PDE4B: variants seen among roughly 807,000 people sequenced by gnomAD.
The protein encoded by PDE4B is 3',5'-cyclic-AMP phosphodiesterase 4B.
Under a neutral mutation model 82.2 loss-of-function variants are expected in PDE4B, and 20 were observed. The observed-to-expected ratio is 0.24, with a 90% CI of 0.17 to 0.35. The LOEUF is 0.35. Among genes scored for constraint, PDE4B ranks in the 10% least tolerant of loss-of-function variants. PDE4B has a pLI of 1.00. For synonymous variants in PDE4B, 320 were observed against 318.9 expected, an observed-to-expected ratio of 1.00 and a Z score of -0.04; for missense variants, 655 against 907.2, an observed-to-expected ratio of 0.72 and a Z score of 3.57.
At chr1:65,826,774 G>T (rs181559564) in intron 1 of PDE4B, among the ~76,000 whole-genome samples, 226 of 152,292 alleles carry the variant, frequency 1.5e-3, no homozygotes, top group South Asian at 1.7e-3. Context: ...TTCCGGAGGA[G>T]AAGGAACACT....
At chr1:66,270,292 CA>C (rs1230521352) in intron 7 of PDE4B, among the ~76,000 whole-genome samples, 1 of 152,050 alleles carries the variant, frequency 6.6e-6, no homozygotes, top group African/African-American at 2.4e-5. Flanking sequence ...GGCTTTTTAC[CA>C]ACTGATAAAA....
At chr1:66,185,561 T>G (rs959374910) in intron 3 of PDE4B, among the ~76,000 whole-genome samples, 1 of 152,016 alleles carries the variant, frequency 6.6e-6, no homozygotes, top group Non-Finnish European at 1.5e-5. Flanking sequence ...TATCTCATTG[T>G]GGTTTTGATT....
chr1:66,308,967 C>T (rs902045644), intron 7 of PDE4B, among the ~76,000 whole-genome samples: 3 of 152,096 alleles, frequency 2.0e-5, no homozygotes, highest in Non-Finnish European at 4.4e-5. Flanking sequence ...AAAGAAGGTT[C>T]AAAATTTAGT....
chr1:66,194,998 T>G (rs1356277024), intron 3 of PDE4B, among the ~76,000 whole-genome samples: 1 of 152,166 alleles, frequency 6.6e-6, no homozygotes, highest in African/African-American at 2.4e-5. Context: ...TGATTAGTAA[T>G]GAGTTTTTAA....
intron 7 of PDE4B, among the ~76,000 whole-genome samples, chr1:66,273,520 T>C (rs566266769): frequency 1.3e-5 from 2 of 152,374 alleles, no homozygotes; most frequent in East Asian, 3.9e-4. Flanking sequence ...GGAAAGTGCA[T>C]TTTAACCCTT....
chr1:66,056,617 T>G (rs1187478688), intron 3 of PDE4B, among the ~76,000 whole-genome samples: 1 of 151,788 alleles, frequency 6.6e-6, no homozygotes, highest in African/African-American at 2.4e-5. Context: ...TTGAGATGGG[T>G]TATATGATTG....
At chr1:66,203,638 A>G (rs1050727085) in intron 3 of PDE4B, among the ~76,000 whole-genome samples, 1 of 152,104 alleles carries the variant, frequency 6.6e-6, no homozygotes, top group African/African-American at 2.4e-5. Context: ...AGTTGTTCGC[A>G]TCGGCTCCTG....
chr1:65,811,643 C>T (rs2101200075), intron 1 of PDE4B, among the ~76,000 whole-genome samples: 1 of 152,200 alleles, frequency 6.6e-6, no homozygotes, highest in Admixed American at 6.5e-5. Context: ...AATAATCCCT[C>T]CTGTGGATAA....
At chr1:66,300,869 A>G (rs1233442841) in intron 7 of PDE4B, among the ~76,000 whole-genome samples, 1 of 152,140 alleles carries the variant, frequency 6.6e-6, no homozygotes, top group Admixed American at 6.5e-5. Context: ...TAGATGGCCT[A>G]TTCTCTGTTT....
chr1:66,075,605 A>G (rs762601801), intron 3 of PDE4B, among the ~76,000 whole-genome samples: 1 of 152,082 alleles, frequency 6.6e-6, no homozygotes, highest in Non-Finnish European at 1.5e-5. Flanking sequence ...ATAAATTTTT[A>G]GGAAAGATCT....
intron 3 of PDE4B, among the ~76,000 whole-genome samples, chr1:65,977,235 G>T (rs1045766226): frequency 6.6e-6 from 1 of 152,078 alleles, no homozygotes; most frequent in African/African-American, 2.4e-5. Flanking sequence ...AGGGATTTCT[G>T]GGTCCCACTC....
At chr1:66,279,889 T>A (rs1315924559) in intron 7 of PDE4B, among the ~76,000 whole-genome samples, 1 of 152,218 alleles carries the variant, frequency 6.6e-6, no homozygotes, top group Non-Finnish European at 1.5e-5. Flanking sequence ...TCTCCTTTAC[T>A]TTAAGTCTAT....
At chr1:65,888,035 A>T (rs1030493748) in intron 1 of PDE4B, among the ~76,000 whole-genome samples, 1 of 152,080 alleles carries the variant, frequency 6.6e-6, no homozygotes, top group Non-Finnish European at 1.5e-5. Context: ...ACCTATGTCC[A>T]GAAGTGTTTC....
chr1:66,207,646 T>C (rs1431258374), intron 3 of PDE4B, among the ~76,000 whole-genome samples: 3 of 152,178 alleles, frequency 2.0e-5, no homozygotes, highest in African/African-American at 7.2e-5. Context: ...TCTCATATGA[T>C]ACACAAAGGG....
intron 3 of PDE4B, among the ~76,000 whole-genome samples, chr1:66,029,819 T>G (rs1464936205): frequency 6.6e-6 from 1 of 152,200 alleles, no homozygotes; most frequent in Non-Finnish European, 1.5e-5. Context: ...TATATATGCT[T>G]AAATTTGAAA....
chr1:66,313,732 C>A (rs949640106), intron 7 of PDE4B, among the ~76,000 whole-genome samples: 2 of 152,148 alleles, frequency 1.3e-5, no homozygotes, highest in African/African-American at 4.8e-5. Flanking sequence ...TGGAAGAGAA[C>A]AAGGAGTTGC....
chr1:65,823,313 T>C (rs1645976350), intron 1 of PDE4B, among the ~76,000 whole-genome samples: 1 of 150,788 alleles, frequency 6.6e-6, no homozygotes, highest in Admixed American at 6.6e-5. Context: ...TGAGAATTGC[T>C]TGAACCCAGG....
At chr1:65,873,053 C>A (rs1646592848) in intron 1 of PDE4B, among the ~76,000 whole-genome samples, 2 of 152,094 alleles carry the variant, frequency 1.3e-5, no homozygotes, top group South Asian at 4.1e-4. Context: ...AAACAAAAAG[C>A]CCCTGCTTTT....
chr1:66,313,971 C>T (rs1570674901), intron 7 of PDE4B, among the ~76,000 whole-genome samples: 1 of 152,132 alleles, frequency 6.6e-6, no homozygotes, highest in Non-Finnish European at 1.5e-5. Context: ...CCCTAACTCC[C>T]TCACATGTAT....
Sources: gnomAD v4.1 joint callset for allele counts (sites outside exome capture counted in the v4.1 genomes callset) on GRCh38, gnomAD v4.1.1 for gene constraint, MANE v1.5 for transcripts, NCBI Gene and HGNC (gene_info 2026-07-23, HGNC 2026-07-21) for gene names.